The following LRCH3 variants were observed in gnomAD, a reference collection of about 807,000 sequenced individuals.
LRCH3 encodes the protein leucine rich repeats and calponin homology domain containing 3, also known as DISP complex protein LRCH3.
Under a neutral mutation model 104.5 loss-of-function variants are expected in LRCH3, and 68 were observed. The observed-to-expected ratio is 0.65, with a 90% CI of 0.54 to 0.80. The LOEUF is 0.80. Among genes scored for constraint, LRCH3 ranks in the 30% least tolerant of loss-of-function variants. The pLI, the probability that LRCH3 is intolerant of heterozygous loss-of-function variation, is 0.00. For synonymous variants in LRCH3, 344 were observed against 361.3 expected, an observed-to-expected ratio of 0.95 and a Z score of 0.54; for missense variants, 951 against 953.9, an observed-to-expected ratio of 1.00 and a Z score of 0.04.
At chr3:197,880,005 G>T (rs372854556) in intron 20 of LRCH3, among the ~76,000 whole-genome samples, 1 of 150,880 alleles carries the variant, frequency 6.6e-6, no homozygotes, top group Non-Finnish European at 1.5e-5. Context: ...GAGTGCGGTG[G>T]CGCGATCTCG....
intron 1 of LRCH3, among the ~76,000 whole-genome samples, chr3:197,796,447 C>T (rs1731219434): frequency 6.6e-6 from 1 of 152,130 alleles, no homozygotes; most frequent in South Asian, 2.1e-4. Context: ...ACACTGAGAT[C>T]ATACTGGACA....
chr3:197,830,876 T>C lies in LRCH3; in HGVS notation c.981+13T>C. ...GTCAGGGAATGAAGTAAGTGTTTTTTATGTTCCGTGTGTTATAACACCTGA... is the reference window on the plus strand; with the variant it reads ...GTCAGGGAATGAAGTAAGTGTTTTTCATGTTCCGTGTGTTATAACACCTGA... On this transcript the variant is annotated intron_variant, in intron 7 of 20. Transcript: ENST00000425562. 6.3e-7 allele frequency: 1 copy of C among 1,590,212 alleles called. No individual in the cohort carries two copies. Among genetic ancestry groups the C allele is most frequent in the Non-Finnish European group, 8.6e-7 (1 of 1,158,374 alleles).
chr3:197,834,928 GAGCCCA>G (rs1463231673), intron 8 of LRCH3, among the ~76,000 whole-genome samples: 4 of 152,146 alleles, frequency 2.6e-5, no homozygotes, highest in African/African-American at 9.7e-5. Context: ...CGGATCGCTT[GAGCCCA>G]GGAGTTGGAG....
At chr3:197,849,455 C>G (rs1739261415) in intron 12 of LRCH3, among the ~76,000 whole-genome samples, 1 of 151,958 alleles carries the variant, frequency 6.6e-6, no homozygotes, top group Admixed American at 6.6e-5. Context: ...TACTAATGGC[C>G]ATGTTCTCTT....
chr3:197,791,466 G>C lies in LRCH3; in HGVS notation c.188G>C (p.Ser63Thr). ...LEEAAVTGVL[S>T]LSGRKLREFP... Reference sequence around the variant, plus strand: ...GAGGCGGCGGTCACTGGGGTGCTGAGCCTGAGCGGCCGGAAACTGAGGGAG... The same window carrying C: ...GAGGCGGCGGTCACTGGGGTGCTGACCCTGAGCGGCCGGAAACTGAGGGAG... The change falls in exon 1 of 21, where the codon AGC (serine) becomes ACC (threonine). Residue 63 changes from serine (S) to threonine (T), a missense_variant. Coordinates refer to ENST00000425562, the MANE Select transcript of LRCH3 (RefSeq NM_001365715.1). 1 of 1,600,966 alleles carries C rather than the reference G, an allele frequency of 6.2e-7. No homozygotes were observed. Among genetic ancestry groups the C allele is most frequent in the Non-Finnish European group, 8.5e-7 (1 of 1,175,130 alleles).
At chr3:197,879,501 C>T (rs1031875829) in intron 20 of LRCH3, among the ~76,000 whole-genome samples, 3 of 151,178 alleles carry the variant, frequency 2.0e-5, no homozygotes, top group African/African-American at 4.9e-5. Context: ...AAAAAATTAG[C>T]CGGGCGTGGT....
intron 13 of LRCH3, among the ~76,000 whole-genome samples, chr3:197,853,642 A>T (rs1240145017): frequency 6.6e-6 from 1 of 152,254 alleles, no homozygotes; most frequent in Non-Finnish European, 1.5e-5. Flanking sequence ...TTTTTAAAGC[A>T]CAGGAGTTTC....
intron 17 of LRCH3, among the ~76,000 whole-genome samples, chr3:197,867,120 T>TACAAAAATTAGCCGGGTGTGGCAGCAG: frequency 6.6e-6 from 1 of 151,764 alleles, no homozygotes; most frequent in East Asian, 2.0e-4. Flanking sequence ...ACTGAAAAAA[T>TACAAAAATTAGCCGGGTGTGGCAGCAG]ACAAAAATTA....
At chr3:197,847,350 G>A (rs953439584) in intron 10 of LRCH3, 59 bp from the exon 11 acceptor site, 1 of 1,424,004 alleles carries the variant, frequency 7.0e-7, no homozygotes, top group Middle Eastern at 2.1e-4. Flanking sequence ...TGTTTTTTAT[G>A]TATCTGTTTG....
intron 1 of LRCH3, among the ~76,000 whole-genome samples, chr3:197,795,623 T>C (rs1322356202): frequency 6.6e-6 from 1 of 151,202 alleles, no homozygotes; most frequent in Non-Finnish European, 1.5e-5. Context: ...GCTATCTCTG[T>C]ACTTTCAAAT....
chr3:197,821,666 T>C (rs1734505297), intron 4 of LRCH3, among the ~76,000 whole-genome samples: 2 of 152,210 alleles, frequency 1.3e-5, no homozygotes, highest in African/African-American at 4.8e-5. Context: ...TGACTTACAG[T>C]GTACAATCAA....
chr3:197,879,352 ATAGACACCCCCT>A (rs1713279753), intron 20 of LRCH3, among the ~76,000 whole-genome samples: 2 of 152,238 alleles, frequency 1.3e-5, no homozygotes, highest in African/African-American at 4.8e-5. Context: ...CTTGGTTAAA[ATAGACACCCCCT>A]GGCCGGGCGC....
intron 9 of LRCH3, among the ~76,000 whole-genome samples, chr3:197,838,098 C>A (rs977550522): frequency 6.6e-6 from 1 of 151,592 alleles, no homozygotes; most frequent in Non-Finnish European, 1.5e-5. Flanking sequence ...ACTGGTACAG[C>A]GTCCTAGGAG....
At chr3:197,881,143 A>G in intron 20 of LRCH3, 2 of 1,017,772 alleles carry the variant, frequency 2.0e-6, no homozygotes, top group Non-Finnish European at 2.4e-6. Flanking sequence ...GAACCTTTGC[A>G]GCAGCTGCTC....
chr3:197,832,467 A>G (rs1274121081), intron 8 of LRCH3, 150 bp downstream of exon 8: 16 of 717,542 alleles, frequency 2.2e-5, no homozygotes, highest in East Asian at 1.8e-4. Flanking sequence ...GAAAAATACT[A>G]TTTTCCATTG....
At chr3:197,791,635 C>T (rs979736078) in intron 1 of LRCH3, 95 bp downstream of exon 1, 25 of 1,367,320 alleles carry the variant, frequency 1.8e-5, no homozygotes, top group Middle Eastern at 2.6e-4. Flanking sequence ...TACAGCAGCT[C>T]GTCCCGTAGG....
intron 19 of LRCH3, among the ~76,000 whole-genome samples, chr3:197,872,550 G>A (rs1045900880): frequency 6.6e-6 from 1 of 152,140 alleles, no homozygotes; most frequent in Admixed American, 6.5e-5. Flanking sequence ...GGGTGATCTT[G>A]TTTCTTAAAA....
chr3:197,837,316 G>C (rs1270135083), intron 9 of LRCH3, among the ~76,000 whole-genome samples: 1 of 152,102 alleles, frequency 6.6e-6, no homozygotes, highest in Non-Finnish European at 1.5e-5. Context: ...TCTACTAAAA[G>C]TGAAAATGCC....
intron 14 of LRCH3, among the ~76,000 whole-genome samples, chr3:197,858,422 A>G (rs58359773): frequency 0.19 from 29,260 of 151,922 alleles, 4,234 homozygotes; most frequent in African/African-American, 0.4. Flanking sequence ...TATAATATAT[A>G]TAATTTGGAT....
Sources: gnomAD v4.1 joint callset for allele counts (sites outside exome capture counted in the v4.1 genomes callset) on GRCh38, gnomAD v4.1.1 for gene constraint, MANE v1.5 for transcripts, NCBI Gene and HGNC (gene_info 2026-07-23, HGNC 2026-07-21) for gene names.